ASPG: variants seen among roughly 807,000 people sequenced by gnomAD.
ASPG encodes 60 kDa lysophospholipase.
Under a neutral mutation model 63.2 loss-of-function variants are expected in ASPG, and 53 were observed. The observed-to-expected ratio is 0.84, with a 90% CI of 0.67 to 1.05. ASPG has a LOEUF of 1.05. ASPG is among the 50% of genes least tolerant of loss of function. The pLI, the probability that ASPG is intolerant of heterozygous loss-of-function variation, is 0.00. For synonymous variants in ASPG, 370 were observed against 355.0 expected (o/e 1.04, Z -0.48); for missense variants, 741 against 794.4 (o/e 0.93, Z 0.81).
In ASPG at chr14:104,107,223, A is replaced by G. The variant is rs2037171668; in HGVS notation, c.1311A>G (p.Pro437=). 6.2e-7 allele frequency: 1 copy of G among 1,601,858 alleles called. No individual in the cohort carries two copies. ...TGGTGGACTTTAACGGCCAAACCCC[A>G]CTGCACGCGGCCGCCCGGGGAGGCC... ...LGLVDFNGQT[P]LHAAARGGHT... Residue 437 remains proline (P), a synonymous_variant, in exon 12 of 16, where the codon CCA becomes CCG. Coordinates refer to ENST00000551177, the MANE Select transcript of ASPG (RefSeq NM_001080464.3).
chr14:104,111,852 T>TGGG (rs1566844617), intron 14 of ASPG, 68 bp from the exon 15 acceptor site: 3 of 1,465,436 alleles, frequency 2.0e-6, no homozygotes, highest in Non-Finnish European at 2.8e-6. Flanking sequence ...ATCCTGGGGA[T>TGGG]GGGGATCCTT....
chr14:104,112,066 G>T, intron 15 of ASPG, 66 bp downstream of exon 15: 1 of 1,431,704 alleles, frequency 7.0e-7, no homozygotes, highest in Non-Finnish European at 9.5e-7. Flanking sequence ...CTGGATCCTG[G>T]CTCGGGGGGG....
intron 1 of ASPG, among the ~76,000 whole-genome samples, chr14:104,090,226 A>G (rs2036328493): frequency 6.6e-6 from 1 of 152,216 alleles, no homozygotes; most frequent in South Asian, 2.1e-4. Context: ...AGCAGGGCCC[A>G]TATCCACGCC....
At position 104,091,997 on chromosome 14, in the gene ASPG, C is replaced by A. The variant is rs919837050; in HGVS notation, c.83-636C>A. ...GGTGGCAGAGTTGCTGGGGGTGGGACCAGCCCGTCTGTGCACTTGCTGTGT... is the reference window on the plus strand; with the variant it reads ...GGTGGCAGAGTTGCTGGGGGTGGGAACAGCCCGTCTGTGCACTTGCTGTGT... On this transcript the variant is annotated intron_variant, in intron 1 of 15. Transcript: ENST00000551177. This position sits in a 1 kb window ranked among gnomAD's most constrained non-coding sequence, Gnocchi z 6.4. Among the ~76,000 whole-genome samples the A allele has an allele frequency of 1.3e-5, 2 of 151,992 alleles. No individual in the cohort carries two copies. Among genetic ancestry groups the A allele is most frequent in the Admixed American group, 1.3e-4 (2 of 15,264 alleles).
In ASPG at chr14:104,105,382, C is replaced by T. The variant is rs372579858; in HGVS notation, c.1105C>T (p.Arg369Trp). ...EMTPPSVEER[R>W]PSLQGNTLGG... Reference sequence around the variant, plus strand: ...GACGCCACCCTCGGTGGAAGAGCGCCGGCCCTCACTGCAGGGCAACACGCT... The same window carrying T: ...GACGCCACCCTCGGTGGAAGAGCGCTGGCCCTCACTGCAGGGCAACACGCT... Residue 369 changes from arginine (R) to tryptophan (W), a missense_variant, in exon 10 of 16, where the codon CGG becomes TGG. Coordinates refer to ENST00000551177, the MANE Select transcript of ASPG (RefSeq NM_001080464.3). 44 of 1,612,410 alleles carry T rather than the reference C, an allele frequency of 2.7e-5. No homozygotes were observed. The highest frequency in any genetic ancestry group is 1.6e-4 in the Middle Eastern group (1 of 6,080).
chr14:104,093,494 G>T lies in ASPG; in HGVS notation c.195G>T (p.Pro65=). The T allele has an allele frequency of 6.2e-7, 1 of 1,612,270 alleles. No homozygotes were observed. Among genetic ancestry groups the T allele is most frequent in the Non-Finnish European group, 8.5e-7 (1 of 1,179,602 alleles). ...TCCTGCTGTTTCTGTCCCGCAGCCC[G>T]GCCAGCCGCAACCAGAGGATTCTCT... ...GLSEDTLVLP[P]ASRNQRILYT... is the part of the protein sequence containing the mutation. Residue 65 remains proline, a synonymous_variant, in exon 3 of 16, where the codon CCG becomes CCT. Coordinates refer to ENST00000551177, the MANE Select transcript of ASPG (RefSeq NM_001080464.3).
At chr14:104,107,897 C>A (rs2037209354) in intron 12 of ASPG, among the ~76,000 whole-genome samples, 1 of 152,166 alleles carries the variant, frequency 6.6e-6, no homozygotes, top group African/African-American at 2.4e-5. Flanking sequence ...CTGGGAAGGC[C>A]AACGACCTGT....
At chr14:104,090,999 G>A (rs1321716639) in intron 1 of ASPG, among the ~76,000 whole-genome samples, 3 of 152,116 alleles carry the variant, frequency 2.0e-5, no homozygotes, top group African/African-American at 7.2e-5. Context: ...CCAAGTAGCT[G>A]GGATTACAGG....
At position 104,107,254 on chromosome 14, in the gene ASPG, G is replaced by C. The variant is rs776166471; in HGVS notation, c.1342G>C (p.Glu448Gln). The change falls in exon 12 of 16, where the codon GAG (glutamate) becomes CAG (glutamine). Residue 448 changes from glutamate (E) to glutamine (Q), a missense_variant. By Grantham distance (29) the Glu-to-Gln change is conservative (BLOSUM62 2). Coordinates refer to ENST00000551177, the MANE Select transcript of ASPG (RefSeq NM_001080464.3). ...CGCGGCCGCCCGGGGAGGCCACACA[G>C]AGGCAGTCACCATGCTGCTGCAGAG... ...LHAAARGGHT[E>Q]AVTMLLQRGV... 19 of 1,608,898 alleles carry C rather than the reference G, an allele frequency of 1.2e-5. No individual in the cohort carries two copies. The highest frequency in any genetic ancestry group is 1.7e-5 in the Admixed American group (1 of 59,586).
Position 104,112,629 on chromosome 14 carries a change from G to T in ASPG, c.*85G>T. 1.3e-6 allele frequency: 2 copies of T among 1,568,796 alleles called. No homozygotes were observed. Among genetic ancestry groups the T allele is most frequent in the Non-Finnish European group, 1.7e-6 (2 of 1,162,182 alleles). ...TCTCAGGCATGACCCCACTGCTGGGGCTGCTTCCCAGCCTGCTCTCATGTA... is the reference window on the plus strand; with the variant it reads ...TCTCAGGCATGACCCCACTGCTGGGTCTGCTTCCCAGCCTGCTCTCATGTA... On this transcript the variant is annotated 3_prime_UTR_variant, in exon 16 of 16. Coordinates refer to ENST00000551177, the MANE Select transcript of ASPG (RefSeq NM_001080464.3).
chr14:104,112,650 A>T lies in ASPG; in HGVS notation c.*106A>T, dbSNP rs768170213. On this transcript the variant is annotated 3_prime_UTR_variant, in exon 16 of 16. Transcript: ENST00000551177. ...TGGGGCTGCTTCCCAGCCTGCTCTC[A>T]TGTAAAGCCTGAAGGCCTTTGTTGG... is the stretch of plus-strand genomic sequence containing the variant. The T allele has an allele frequency of 3.2e-6, 5 of 1,549,776 alleles. No homozygotes were observed. The highest frequency in any genetic ancestry group is 4.3e-6 in the Non-Finnish European group (5 of 1,152,726).
intron 2 of ASPG, chr14:104,092,972 C>T (rs2036417239): frequency 7.1e-6 from 4 of 564,544 alleles, no homozygotes; most frequent in Non-Finnish European, 1.3e-5. Context: ...CCTCCTCCCA[C>T]ACCCCCAGCC....
intron 1 of ASPG, 51 bp downstream of exon 1, chr14:104,085,903 G>A (rs2036208780): frequency 6.6e-7 from 1 of 1,513,810 alleles, no homozygotes; most frequent in African/African-American, 1.4e-5. Flanking sequence ...GCCGCGACCG[G>A]GAGCCTCGGA....
chr14:104,110,320 G>T lies in ASPG; in HGVS notation c.1520+1005G>T. The T allele has an allele frequency of 1.0e-6, 1 of 985,318 alleles. No individual in the cohort carries two copies. Among genetic ancestry groups the T allele is most frequent in the Non-Finnish European group, 1.2e-6 (1 of 829,876 alleles). The allele number at this position is 985,318 out of a possible 1,614,324, so 61.0% of individuals were successfully genotyped here. A position where few individuals can be genotyped will look rare whatever the true frequency, so the allele number is the denominator to read the frequency against. Reference sequence around the variant, plus strand: ...AGCAGGAGGAGGACTAGCAGCTCTGGCTTCTCCTCTGGGACCGGCCCACAA... The same window carrying T: ...AGCAGGAGGAGGACTAGCAGCTCTGTCTTCTCCTCTGGGACCGGCCCACAA... On this transcript the variant is annotated intron_variant, in intron 13 of 15. Transcript: ENST00000551177. The surrounding 1 kb of genome is among the most constrained non-coding windows in gnomAD (Gnocchi z 4.7).
chr14:104,103,631 G>T lies in ASPG; in HGVS notation c.709G>T (p.Asp237Tyr). The T allele has an allele frequency of 6.5e-7, 1 of 1,548,142 alleles. No individual in the cohort carries two copies. The highest frequency in any genetic ancestry group is 8.7e-7 in the Non-Finnish European group (1 of 1,146,770). Residue 237 changes from aspartate to tyrosine, a missense_variant, in exon 7 of 16, where the codon GAC becomes TAC. By Grantham distance (160) the Asp-to-Tyr change is radical (BLOSUM62 -3). Transcript: ENST00000551177. ...GLVVHSSMEQ[D>Y]VGLLRLYPGI... ...GGTGGTGCACAGCAGCATGGAGCAG[G>T]ACGTGGGCCTGCTGCGCCTCTACCC...
At chr14:104,107,066 G>C in intron 11 of ASPG, 116 bp from the exon 12 acceptor site, 1 of 1,391,920 alleles carries the variant, frequency 7.2e-7, no homozygotes, top group Non-Finnish European at 9.7e-7. Flanking sequence ...GAGGCTTTGA[G>C]GGTGGGCGCA....
At chr14:104,085,982 C>G in intron 1 of ASPG, 130 bp downstream of exon 1, 1 of 831,520 alleles carries the variant, frequency 1.2e-6, no homozygotes, top group Non-Finnish European at 1.8e-6. Flanking sequence ...GGGCTGAGGT[C>G]GCTCTCCTCC....
chr14:104,111,641 C>T lies in ASPG; in HGVS notation c.1620+40C>T, dbSNP rs1049552334. 13 of 1,511,726 alleles carry T rather than the reference C, an allele frequency of 8.6e-6. No homozygotes were observed. The South Asian group carries it at 1.3e-4, about 15-fold the overall frequency. 93.6% of individuals were successfully genotyped at this position (1,511,726 alleles called of 1,614,324 possible). A position where few individuals can be genotyped will look rare whatever the true frequency, so the allele number is the denominator to read the frequency against. ...CCCCTGCACCCTCTCCAAAGGCTGCCACCTCCAGGAAGGACACCTGGACAA... is the reference window on the plus strand; with the variant it reads ...CCCCTGCACCCTCTCCAAAGGCTGCTACCTCCAGGAAGGACACCTGGACAA... On this transcript the variant is annotated intron_variant, in intron 14 of 15. Coordinates refer to ENST00000551177, the MANE Select transcript of ASPG (RefSeq NM_001080464.3).
chr14:104,113,474 T>C lies in ASPG; in HGVS notation c.*930T>C, dbSNP rs557813659. The stretch of plus-strand genomic sequence containing the variant: ...ACCCCTGGCCCCCATCATGTGTGCA[T>C]GCACTGGCCTGGGATGGCCAGGGAC... On this transcript the variant is annotated 3_prime_UTR_variant, in exon 16 of 16. Coordinates refer to ENST00000551177, the MANE Select transcript of ASPG (RefSeq NM_001080464.3). 11 of 152,652 alleles carry C rather than the reference T, an allele frequency of 7.2e-5. No homozygotes were observed. The highest frequency in any genetic ancestry group is 2.6e-4 in the African/African-American group (11 of 41,576). 9.5% of individuals were successfully genotyped at this position (152,652 alleles called of 1,614,324 possible).
Sources: gnomAD v4.1 joint callset for allele counts (sites outside exome capture counted in the v4.1 genomes callset) on GRCh38, gnomAD v4.1.1 for gene constraint, Gnocchi (gnomAD v3.1) non-coding constraint, MANE v1.5 for transcripts, NCBI Gene and HGNC (gene_info 2026-07-23, HGNC 2026-07-21) for gene names.